Variants in ZMYND11 observed in about 807,000 individuals in gnomAD.
ZMYND11 encodes zinc finger MYND-type containing 11.
In ZMYND11, 9 loss-of-function variants were observed where a neutral mutation model predicts 84.9. That is an observed-to-expected ratio of 0.11 (90% CI 0.06 to 0.18). The LOEUF (loss-of-function observed/expected upper bound fraction) is 0.18, where lower values mean the gene tolerates loss of function less well. Ranked by LOEUF, ZMYND11 falls within the 10% of genes least tolerant of loss-of-function variation. The pLI is 1.00. For synonymous variants in ZMYND11, 250 were observed against 244.1 expected (o/e 1.02, Z -0.23); for missense variants, 409 against 761.0 (o/e 0.54, Z 5.44).
chr10:153,185 G>A (rs1840829854), intron 1 of ZMYND11, among the ~76,000 whole-genome samples: 1 of 152,104 alleles, frequency 6.6e-6, no homozygotes, highest in Non-Finnish European at 1.5e-5. Flanking sequence ...ATTTTTATCA[G>A]ATATGAAGTC....
Position 147,111 on chromosome 10 carries a change from A to G in ZMYND11, c.-20+11552A>G, listed in dbSNP as rs200414503. Among the ~76,000 whole-genome samples the G allele has an allele frequency of 8.5e-5, 13 of 152,338 alleles. No homozygotes were observed. The East Asian group carries it at 2.5e-3, about 29-fold the overall frequency. ...GTGTACATTGATTCTGTAGCATGAG[A>G]CTTTACTGAATTCATTTATCAAATC... On this transcript the variant is annotated intron_variant, in intron 1 of 14. Transcript: ENST00000381604.
At chr10:149,324 A>T (rs983604634) in intron 1 of ZMYND11, among the ~76,000 whole-genome samples, 1 of 144,472 alleles carries the variant, frequency 6.9e-6, no homozygotes, top group Non-Finnish European at 1.5e-5. Context: ...TATTATTATT[A>T]TTTTTCAGAC....
rs1247312343 is a variant in ZMYND11 at position 252,451 on chromosome 10, C to A, written c.1790C>A (p.Thr597Asn). The A allele has an allele frequency of 6.2e-7, 1 of 1,612,308 alleles. No homozygotes were observed. The highest frequency in any genetic ancestry group is 8.5e-7 in the Non-Finnish European group (1 of 1,179,944). Reference sequence around the variant, plus strand: ...CACTGGCACGCGGAGCACAAGCGCACCTGCCGCCGGAAAAGATGAAGCTGG... The same window carrying A: ...CACTGGCACGCGGAGCACAAGCGCAACTGCCGCCGGAAAAGATGAAGCTGG... ...QEHWHAEHKR[T>N]CRRKR The change falls in exon 15 of 15, where the codon ACC becomes AAC. Residue 597 changes from threonine (T) to asparagine (N), a missense_variant. Thr to Asn is a moderately conservative substitution (Grantham distance 65). Coordinates refer to ENST00000381604, the MANE Select transcript of ZMYND11 (RefSeq NM_001370100.5). The surrounding 1 kb of genome is among the most constrained non-coding windows in gnomAD (Gnocchi z 4.6).
chr10:221,057 C>T, intron 3 of ZMYND11, 138 bp from the exon 4 acceptor site: 167 of 706,736 alleles, frequency 2.4e-4, no homozygotes, highest in Middle Eastern at 1.6e-3. Context: ...AGGTATTTTC[C>T]CTCTTGTTTT....
intron 1 of ZMYND11, among the ~76,000 whole-genome samples, chr10:136,046 G>C (rs1835948148): frequency 6.6e-6 from 1 of 151,862 alleles, no homozygotes; most frequent in African/African-American, 2.4e-5. Context: ...GTGCTAGCCC[G>C]GGAGCGGCGG....
intron 4 of ZMYND11, 88 bp downstream of exon 4, chr10:221,444 A>C (rs894863870): frequency 1.4e-6 from 2 of 1,385,090 alleles, no homozygotes; most frequent in African/African-American, 1.4e-5. Flanking sequence ...TGGTCTTGCC[A>C]GGTGAACGGA....
In ZMYND11 at chr10:240,875, GTTTC is replaced by G. The variant is rs1329493721; in HGVS notation, c.754-14_754-11del. 3 of 1,603,548 alleles carry G rather than the reference GTTTC, an allele frequency of 1.9e-6. No individual in the cohort carries two copies. The highest frequency in any genetic ancestry group is 1.3e-5 in the African/African-American group (1 of 74,522). Reference sequence around the variant, plus strand: ...TGTATATTTTATGTAGGCTAAAGTAGTTTCTTTTCTTTTTCAGCTGGATGAACTG... The same window carrying G: ...TGTATATTTTATGTAGGCTAAAGTAGTTTTCTTTTTCAGCTGGATGAACTG... On this transcript the variant is annotated splice_polypyrimidine_tract_variant and intron_variant, in intron 8 of 14. Transcript: ENST00000381604.
At chr10:213,532 G>A (rs1174865801) in intron 3 of ZMYND11, among the ~76,000 whole-genome samples, 4 of 152,270 alleles carry the variant, frequency 2.6e-5, no homozygotes, top group South Asian at 4.1e-4. Context: ...ATTTTTAAAC[G>A]TTTAAGTCAA....
chr10:133,275 C>A (rs1564235050), upstream of ZMYND11, among the ~76,000 whole-genome samples: 1 of 152,188 alleles, frequency 6.6e-6, no homozygotes, highest in Non-Finnish European at 1.5e-5. Context: ...ATTAGAATAG[C>A]TGTCAGTATT....
chr10:203,331 T>C (rs553475888), intron 2 of ZMYND11, among the ~76,000 whole-genome samples: 3 of 151,812 alleles, frequency 2.0e-5, no homozygotes, highest in South Asian at 2.1e-4. Context: ...AAATACTATA[T>C]AAAATAAAAT....
In ZMYND11 at chr10:157,412, C is replaced by T. The variant is rs192814948; in HGVS notation, c.-20+21853C>T. On this transcript the variant is annotated intron_variant, in intron 1 of 14. Transcript: ENST00000381604. ...ACGGGGTGTCACCATGTTGGCCAGG[C>T]TGGTCTCAAACTCCTGACCTCAAGT... is the stretch of plus-strand genomic sequence containing the variant. Among the ~76,000 whole-genome samples, 175 of 152,226 alleles carry T rather than the reference C, an allele frequency of 1.1e-3. 1 individual carries two copies. The Middle Eastern group carries it at 0.02, about 18-fold the overall frequency.
intron 1 of ZMYND11, among the ~76,000 whole-genome samples, chr10:155,668 CATG>C (rs1554758585): frequency 6.6e-6 from 1 of 152,190 alleles, no homozygotes; most frequent in Admixed American, 6.5e-5. Flanking sequence ...CAAATTAAGA[CATG>C]GTATGATTTT....
Position 246,299 on chromosome 10 carries a change from CTT to C in ZMYND11, c.951-466_951-465del, listed in dbSNP as rs1250794056. On this transcript the variant is annotated intron_variant, in intron 10 of 14. Coordinates refer to ENST00000381604, the MANE Select transcript of ZMYND11 (RefSeq NM_001370100.5). The stretch of plus-strand genomic sequence containing the variant: ...ATTTTATATGAATATATGTATGTAT[CTT>C]ATGAAAATTTTTGGGCATTTTCAAG... 3.3e-5 allele frequency among the ~76,000 whole-genome samples: 5 copies of C among 152,182 alleles called. No homozygotes were observed. The East Asian group carries it at 9.6e-4, about 29-fold the overall frequency.
chr10:231,825 A>G (rs1293872331), intron 4 of ZMYND11, among the ~76,000 whole-genome samples: 1 of 152,212 alleles, frequency 6.6e-6, no homozygotes. Flanking sequence ...TTCTTACGCA[A>G]ACGTCTACAA....
chr10:246,288 T>G (rs1952145370), intron 10 of ZMYND11, among the ~76,000 whole-genome samples: 1 of 152,232 alleles, frequency 6.6e-6, no homozygotes, highest in South Asian at 2.1e-4. Flanking sequence ...TATATGAATA[T>G]ATGTATGTAT....
intron 1 of ZMYND11, among the ~76,000 whole-genome samples, chr10:179,771 A>G (rs78596996): frequency 3.0e-3 from 454 of 152,260 alleles, no homozygotes; most frequent in African/African-American, 0.01. Flanking sequence ...TAACCTTTTT[A>G]ACTTTTTGGC....
intron 4 of ZMYND11, among the ~76,000 whole-genome samples, chr10:232,903 A>G (rs560426673): frequency 6.6e-5 from 10 of 152,356 alleles, no homozygotes; most frequent in African/African-American, 1.7e-4. Context: ...AGAGCATCCT[A>G]GAGCTGGTAC....
At chr10:149,065 T>C (rs1297104913) in intron 1 of ZMYND11, among the ~76,000 whole-genome samples, 1 of 151,990 alleles carries the variant, frequency 6.6e-6, no homozygotes, top group Non-Finnish European at 1.5e-5. Flanking sequence ...CCCTAAACAT[T>C]GTAAATAATA....
intron 3 of ZMYND11, among the ~76,000 whole-genome samples, chr10:213,217 C>T (rs1442702476): frequency 6.6e-6 from 1 of 152,112 alleles, no homozygotes; most frequent in Admixed American, 6.6e-5. Context: ...TCAAAAGTCA[C>T]CAGTGCATTT....
Sources: allele counts gnomAD v4.1 joint callset (sites outside exome capture counted in the v4.1 genomes callset), GRCh38; gene constraint gnomAD v4.1.1; non-coding constraint Gnocchi (gnomAD v3.1); transcripts MANE v1.5; gene names NCBI Gene and HGNC (gene_info 2026-07-23, HGNC 2026-07-21).